ARFGEF1: variants seen among roughly 807,000 people sequenced by gnomAD.
The protein encoded by ARFGEF1 is ARF guanine nucleotide exchange factor 1.
ARFGEF1 carries 42 observed loss-of-function variants against 231.0 expected under a neutral mutation model. That is an observed-to-expected ratio of 0.18 (90% CI 0.14 to 0.24). The LOEUF is 0.24. Ranked by LOEUF, ARFGEF1 falls within the 10% of genes least tolerant of loss-of-function variation. The pLI is 1.00. For synonymous variants in ARFGEF1, 710 were observed against 732.3 expected (o/e 0.97, Z 0.49); for missense variants, 1,345 against 2,192.0 (o/e 0.61, Z 7.72).
At chr8:67,238,020 T>C (rs1411146969) in intron 22 of ARFGEF1, among the ~76,000 whole-genome samples, 1 of 152,160 alleles carries the variant, frequency 6.6e-6, no homozygotes, top group Non-Finnish European at 1.5e-5. Flanking sequence ...TGTGAATGCT[T>C]TCTCCAGTTG....
chr8:67,331,273 G>GT (rs910938293), intron 1 of ARFGEF1, among the ~76,000 whole-genome samples: 2 of 152,146 alleles, frequency 1.3e-5, no homozygotes, highest in Non-Finnish European at 2.9e-5. Context: ...TGGTCTGTAT[G>GT]TTTGTGTCCT....
chr8:67,331,583 TTC>T lies in ARFGEF1; in HGVS notation c.124+11579_124+11580del, dbSNP rs1420450313. Among the ~76,000 whole-genome samples, 4 of 152,320 alleles carry T rather than the reference TTC, an allele frequency of 2.6e-5. No homozygotes were observed. In the East Asian group the frequency reaches 5.8e-4, roughly 22 times the overall value. The stretch of plus-strand genomic sequence containing the variant: ...TCCATAAGCCACCCAGTTTACAGTA[TTC>T]TGTTATAGTAGCTTAAACAGACTAA... On this transcript the variant is annotated intron_variant, in intron 1 of 38. Transcript: ENST00000262215.
chr8:67,294,514 T>A (rs1381450535), intron 5 of ARFGEF1, among the ~76,000 whole-genome samples: 2 of 152,184 alleles, frequency 1.3e-5, no homozygotes, highest in African/African-American at 4.8e-5. Flanking sequence ...AATTTGTTTC[T>A]CACACTGGTA....
intron 9 of ARFGEF1, 47 bp from the exon 10 acceptor site, chr8:67,271,983 A>T (rs764820373): frequency 8.2e-6 from 10 of 1,215,792 alleles, no homozygotes; most frequent in Non-Finnish European, 9.4e-6. Flanking sequence ...GGTTGGCATT[A>T]TAGTAATAAC....
intron 14 of ARFGEF1, among the ~76,000 whole-genome samples, chr8:67,264,117 T>C (rs904231451): frequency 6.6e-6 from 1 of 152,114 alleles, no homozygotes; most frequent in Non-Finnish European, 1.5e-5. Flanking sequence ...TTTGGTTTTA[T>C]TCTCTAAGAG....
At chr8:67,311,363 T>G (rs1368043710) in intron 1 of ARFGEF1, among the ~76,000 whole-genome samples, 1 of 116,096 alleles carries the variant, frequency 8.6e-6, no homozygotes, top group Non-Finnish European at 1.8e-5. Flanking sequence ...CCGCCCCTAC[T>G]GGGAAGTGAG....
At chr8:67,197,499 G>A (rs537601982), downstream of ARFGEF1, 4 of 498,820 alleles carry the variant, frequency 8.0e-6, no homozygotes, top group African/African-American at 2.1e-5. Flanking sequence ...AGTATCCTAT[G>A]GTAAGTACAG....
chr8:67,216,120 A>T (rs994677820), intron 33 of ARFGEF1, among the ~76,000 whole-genome samples: 2 of 152,218 alleles, frequency 1.3e-5, no homozygotes, highest in African/African-American at 4.8e-5. Flanking sequence ...AATTAACTTC[A>T]CAATTCTGGA....
chr8:67,267,150 C>T lies in ARFGEF1; in HGVS notation c.1753G>A (p.Asp585Asn). ...AANIFERLVN[D>N]LSKIAQGRGS... ...CTTCCTTGAGCAATTTTTGATAGAT[C>T]ATTTACTAGTCTTTCAAATATATTG... Residue 585 changes from aspartate (D) to asparagine (N), a missense_variant, in exon 12 of 39, where the codon GAT (aspartate) becomes AAT (asparagine). Physicochemically the swap from Asp to Asn is conservative, Grantham distance 23 (BLOSUM62 1). This residue lies in a region of ARFGEF1 where 141 missense variants were observed against 259.9 expected (regional missense o/e 0.54). Coordinates refer to ENST00000262215, the MANE Select transcript of ARFGEF1 (RefSeq NM_006421.5). The T allele has an allele frequency of 1.2e-6, 2 of 1,613,152 alleles. No homozygotes were observed. Among genetic ancestry groups the T allele is most frequent in the Non-Finnish European group, 1.7e-6 (2 of 1,179,594 alleles).
chr8:67,307,332 AGT>A (rs1806795782), intron 1 of ARFGEF1, among the ~76,000 whole-genome samples: 1 of 152,232 alleles, frequency 6.6e-6, no homozygotes, highest in South Asian at 2.1e-4. Context: ...CTTTGAGCCA[AGT>A]CTGAAGAATG....
rs527717785 is a variant in ARFGEF1 at position 67,292,667 on chromosome 8, A to G, written c.640-544T>C. ...CCATCTAATAATTATGAAAAAAACTATATCTACAAATGTCTGAATTTTATT... is the reference window on the plus strand; with the variant it reads ...CCATCTAATAATTATGAAAAAAACTGTATCTACAAATGTCTGAATTTTATT... On this transcript the variant is annotated intron_variant, in intron 5 of 38. Transcript: ENST00000262215. Among the ~76,000 whole-genome samples the G allele has an allele frequency of 1.2e-4, 19 of 152,294 alleles. No individual in the cohort carries two copies. The East Asian group carries it at 1.3e-3, about 11-fold the overall frequency.
chr8:67,258,395 G>A (rs1902507), intron 15 of ARFGEF1, 105 bp from the exon 16 acceptor site: 21 of 751,172 alleles, frequency 2.8e-5, no homozygotes, highest in Middle Eastern at 3.9e-4. Flanking sequence ...GCACGATCTC[G>A]GCTCACTGCA....
At chr8:67,286,614 T>C (rs1190221406) in intron 7 of ARFGEF1, among the ~76,000 whole-genome samples, 2 of 152,358 alleles carry the variant, frequency 1.3e-5, no homozygotes, top group East Asian at 3.9e-4. Flanking sequence ...CAGGCCGTAA[T>C]GTGCCAACTC....
intron 9 of ARFGEF1, among the ~76,000 whole-genome samples, chr8:67,274,209 G>A (rs1805217490): frequency 6.6e-6 from 1 of 151,650 alleles, no homozygotes; most frequent in Non-Finnish European, 1.5e-5. Flanking sequence ...TTCAAATTAT[G>A]ATTCAGGCTT....
At chr8:67,327,977 T>C (rs1807917102) in intron 1 of ARFGEF1, among the ~76,000 whole-genome samples, 1 of 152,196 alleles carries the variant, frequency 6.6e-6, no homozygotes, top group African/African-American at 2.4e-5. Context: ...ACATATATCT[T>C]TGTAACACAT....
At chr8:67,271,625 C>T in intron 10 of ARFGEF1, 77 bp downstream of exon 10, 2 of 1,029,098 alleles carry the variant, frequency 1.9e-6, no homozygotes, top group Admixed American at 2.4e-5. Flanking sequence ...GAGAACTTTG[C>T]AGTGTATTCA....
At position 67,228,049 on chromosome 8, in the gene ARFGEF1, T is replaced by C. The variant is rs1387736660; in HGVS notation, c.3505A>G (p.Ile1169Val). 3 of 1,608,782 alleles carry C rather than the reference T, an allele frequency of 1.9e-6. No individual in the cohort carries two copies. Among genetic ancestry groups the C allele is most frequent in the African/African-American group, 1.3e-5 (1 of 74,714 alleles). ...THPRMFSLQK[I>V]VEISYYNMGR... ...ATGTTGTAATATGATATTTCTACTA[T>C]TTTTTGTAGACTAAACATTCTTGGG... Residue 1169 changes from isoleucine to valine, a missense_variant, in exon 25 of 39, where the codon ATA (isoleucine) becomes GTA (valine). Physicochemically the swap from Ile to Val is conservative, Grantham distance 29. Around this residue, in one of 14 missense-constraint regions of ARFGEF1, gnomAD observed 146 missense variants for 321.4 expected, o/e 0.45. Transcript: ENST00000262215.
chr8:67,303,536 C>T (rs890649928), intron 1 of ARFGEF1, among the ~76,000 whole-genome samples: 2 of 152,014 alleles, frequency 1.3e-5, no homozygotes, highest in Non-Finnish European at 2.9e-5. Flanking sequence ...CGTGGTGAAA[C>T]ATCGTCTCTA....
chr8:67,244,151 G>C (rs1010863470), intron 19 of ARFGEF1, among the ~76,000 whole-genome samples: 5 of 144,672 alleles, frequency 3.5e-5, no homozygotes, highest in African/African-American at 5.1e-5. Flanking sequence ...CTGAGGCAGA[G>C]AGAATTGCTT....
Sources: allele counts gnomAD v4.1 joint callset (sites outside exome capture counted in the v4.1 genomes callset), GRCh38; gene constraint gnomAD v4.1.1; regional missense constraint gnomAD v4.1.1; transcripts MANE v1.5; gene names NCBI Gene and HGNC (gene_info 2026-07-23, HGNC 2026-07-21).